The following ASNS variants were observed in gnomAD, a reference collection of about 807,000 sequenced individuals.
ASNS encodes the protein asparagine synthetase [glutamine-hydrolyzing].
ASNS carries 37 observed loss-of-function variants against 62.6 expected under a neutral mutation model. The observed-to-expected ratio is 0.59, with a 90% CI of 0.45 to 0.78. The LOEUF is 0.78. ASNS is among the 30% of genes least tolerant of loss of function. The pLI, the probability that ASNS is intolerant of heterozygous loss-of-function variation, is 0.00. For synonymous variants in ASNS, 207 were observed against 237.9 expected, an observed-to-expected ratio of 0.87 and a Z score of 1.19; for missense variants, 520 against 682.4, an observed-to-expected ratio of 0.76 and a Z score of 2.65.
chr7:97,897,353 A>G, the ASNS span, among the ~76,000 whole-genome samples: 6,322 of 152,346 alleles, frequency 0.041, 302 homozygotes, highest in African/African-American at 0.11. Flanking sequence ...CAAAGAGTTC[A>G]TGGTGAAGAT....
chr7:97,904,700 T>C, the ASNS span, among the ~76,000 whole-genome samples: 1 of 144,164 alleles, frequency 6.9e-6, no homozygotes, highest in Non-Finnish European at 1.5e-5. Context: ...ACATTACAAA[T>C]TTCTACCCCA....
chr7:97,853,422 G>T, intron 10 of ASNS, 36 bp from the exon 11 acceptor site: 1 of 1,561,132 alleles, frequency 6.4e-7, no homozygotes, highest in Non-Finnish European at 8.8e-7. Flanking sequence ...AAATTAAAAT[G>T]GGTATTTAGT....
At chr7:97,873,722 C>T (rs1327576175), upstream of ASNS, among the ~76,000 whole-genome samples, 1 of 152,094 alleles carries the variant, frequency 6.6e-6, no homozygotes, top group African/African-American at 2.4e-5. Context: ...AAACCCAGAG[C>T]CCATTTCCCG....
the ASNS span, chr7:97,906,733 G>C: frequency 1.3e-5 from 2 of 152,594 alleles, no homozygotes; most frequent in Non-Finnish European, 2.9e-5. Context: ...GAGACAGATT[G>C]ATTTGTTGTA....
the ASNS span, among the ~76,000 whole-genome samples, chr7:97,878,261 G>C: frequency 6.6e-6 from 1 of 152,118 alleles, no homozygotes; most frequent in Non-Finnish European, 1.5e-5. Context: ...GGTGGCACAC[G>C]TCTCTAACAA....
At chr7:97,914,383 C>T in the ASNS span, among the ~76,000 whole-genome samples, 45 of 152,130 alleles carry the variant, frequency 3.0e-4, no homozygotes, top group African/African-American at 5.1e-4. Context: ...TCGCCACTCT[C>T]GGAACACTTT....
chr7:97,896,537 C>T, the ASNS span, among the ~76,000 whole-genome samples: 1 of 143,694 alleles, frequency 7.0e-6, no homozygotes, highest in Admixed American at 7.2e-5. Context: ...GAAGAGCTTG[C>T]AGTGAGCAGA....
the ASNS span, among the ~76,000 whole-genome samples, chr7:97,923,455 C>T: frequency 7.7e-4 from 118 of 152,266 alleles, no homozygotes; most frequent in Admixed American, 2.0e-4. Context: ...GTGGCACGCA[C>T]CTGCATTCCC....
chr7:97,919,054 T>C, the ASNS span, among the ~76,000 whole-genome samples: 1 of 152,218 alleles, frequency 6.6e-6, no homozygotes, highest in Non-Finnish European at 1.5e-5. Flanking sequence ...GTTTTGTTTT[T>C]TGTTTTCTAC....
the ASNS span, among the ~76,000 whole-genome samples, chr7:97,916,806 T>C: frequency 6.6e-6 from 1 of 152,210 alleles, no homozygotes; most frequent in African/African-American, 2.4e-5. Context: ...GTTTGCCATC[T>C]TGTCTGGCTG....
chr7:97,860,240 A>G (rs1198245612), intron 4 of ASNS, among the ~76,000 whole-genome samples: 1 of 152,222 alleles, frequency 6.6e-6, no homozygotes, highest in African/African-American at 2.4e-5. Context: ...GCAATACTAT[A>G]ATCAGATGAG....
the ASNS span, among the ~76,000 whole-genome samples, chr7:97,891,538 G>T: frequency 7.9e-5 from 12 of 152,202 alleles, no homozygotes; most frequent in African/African-American, 2.7e-4. Context: ...CTGCCTATGA[G>T]CATGTAAAAT....
At chr7:97,860,630 TA>T (rs1791668944) in intron 4 of ASNS, among the ~76,000 whole-genome samples, 1 of 152,194 alleles carries the variant, frequency 6.6e-6, no homozygotes, top group Non-Finnish European at 1.5e-5. Context: ...CAGCCAATAT[TA>T]AATCTGAAAA....
In ASNS at chr7:97,855,891, A is replaced by G. The variant is rs538595858; in HGVS notation, c.1031-432T>C. Among the ~76,000 whole-genome samples the G allele has an allele frequency of 2.0e-5, 3 of 152,334 alleles. No homozygotes were observed. The East Asian group carries it at 5.8e-4, about 29-fold the overall frequency. On this transcript the variant is annotated intron_variant, in intron 8 of 12. Transcript: ENST00000394308. ...CCACTCCCCATTTACCAGATTTCAC[A>G]TAAAGCTGGGGAGACTATATAAGTT...
chr7:97,910,726 C>A, the ASNS span, among the ~76,000 whole-genome samples: 1 of 151,826 alleles, frequency 6.6e-6, no homozygotes, highest in Admixed American at 6.6e-5. Flanking sequence ...CTCAGCCTCC[C>A]GAGTAGCTGG....
At chr7:97,923,984 T>C in the ASNS span, among the ~76,000 whole-genome samples, 42 of 152,122 alleles carry the variant, frequency 2.8e-4, no homozygotes, top group African/African-American at 9.4e-4. Flanking sequence ...AGAAGAAAAA[T>C]GACAACCTTA....
At position 97,859,231 on chromosome 7, in the gene ASNS, C is replaced by T; in HGVS notation, c.655G>A (p.Val219Met). ...CTGCTACCTGGAAAGAGTTTCTCCACATTGTCATAGAGGGCGTGCAGGGGT... is the reference window on the plus strand; with the variant it reads ...CTGCTACCTGGAAAGAGTTTCTCCATATTGTCATAGAGGGCGTGCAGGGGT... Reference protein sequence around the residue: ...DVPLHALYDNVEKLFPGFEIE... With the variant: ...DVPLHALYDNMEKLFPGFEIE... The change falls in exon 5 of 13, where the codon GTG (valine) becomes ATG (methionine). Residue 219 changes from valine to methionine, a missense_variant. Coordinates refer to ENST00000394308, the MANE Select transcript of ASNS (RefSeq NM_001673.5). 1.2e-6 allele frequency: 2 copies of T among 1,607,636 alleles called. No individual in the cohort carries two copies. The highest frequency in any genetic ancestry group is 1.7e-6 in the Non-Finnish European group (2 of 1,176,074).
intron 4 of ASNS, among the ~76,000 whole-genome samples, chr7:97,861,986 A>T (rs978382721): frequency 3.9e-5 from 6 of 152,216 alleles, no homozygotes; most frequent in Admixed American, 1.3e-4. Flanking sequence ...GTATTCAGTT[A>T]AAGTGTGTCA....
the ASNS span, among the ~76,000 whole-genome samples, chr7:97,907,808 G>A: frequency 6.6e-5 from 10 of 150,746 alleles, no homozygotes; most frequent in Admixed American, 6.6e-4. Flanking sequence ...GTGGATGGGT[G>A]CCTATAATTT....
Sources: allele counts gnomAD v4.1 joint callset (sites outside exome capture counted in the v4.1 genomes callset), GRCh38; gene constraint gnomAD v4.1.1; transcripts MANE v1.5; gene names NCBI Gene and HGNC (gene_info 2026-07-23, HGNC 2026-07-21).